The following EXOC6B variants were observed in gnomAD, a reference collection of about 807,000 sequenced individuals.
EXOC6B encodes exocyst complex component 6B.
In EXOC6B, 54 loss-of-function variants were observed where a neutral mutation model predicts 113.5. The observed-to-expected ratio is 0.48, with a 90% CI of 0.38 to 0.60. EXOC6B has a LOEUF of 0.60. EXOC6B is among the 20% of genes least tolerant of loss of function. EXOC6B has a pLI of 0.00. For synonymous variants in EXOC6B, 357 were observed against 339.0 expected (o/e 1.05, Z -0.58); for missense variants, 797 against 977.5 (o/e 0.82, Z 2.46).
At chr2:72,392,064 T>A (rs112190007) in intron 18 of EXOC6B, among the ~76,000 whole-genome samples, 100 of 152,340 alleles carry the variant, frequency 6.6e-4, no homozygotes, top group East Asian at 1.5e-3. Context: ...ATTCTTTTTT[T>A]AAAAATCTTG....
intron 18 of EXOC6B, among the ~76,000 whole-genome samples, chr2:72,442,329 C>CA (rs1165519300): frequency 6.6e-6 from 1 of 152,088 alleles, no homozygotes; most frequent in Non-Finnish European, 1.5e-5. Context: ...ACATTCCCCC[C>CA]CGCAAAAAAT....
chr2:72,354,870 C>A (rs192862342), intron 19 of EXOC6B, among the ~76,000 whole-genome samples: 1 of 152,316 alleles, frequency 6.6e-6, no homozygotes, highest in East Asian at 1.9e-4. Context: ...TTTTGTACTG[C>A]CTATTTTTGA....
intron 18 of EXOC6B, among the ~76,000 whole-genome samples, chr2:72,451,997 A>G (rs368945163): frequency 6.6e-6 from 1 of 152,272 alleles, no homozygotes; most frequent in East Asian, 1.9e-4. Context: ...TACAATATAT[A>G]TGCTAAGGTA....
intron 1 of EXOC6B, among the ~76,000 whole-genome samples, chr2:72,806,790 G>C (rs1685603989): frequency 2.0e-5 from 3 of 151,980 alleles, no homozygotes; most frequent in Admixed American, 6.6e-5. Flanking sequence ...TAGTGATGTT[G>C]AGCTTTTTTT....
At chr2:72,510,969 A>G (rs1210587880) in intron 11 of EXOC6B, among the ~76,000 whole-genome samples, 1 of 152,150 alleles carries the variant, frequency 6.6e-6, no homozygotes, top group East Asian at 1.9e-4. Flanking sequence ...CTCAGAACAC[A>G]CAAAAACATG....
At chr2:72,749,588 C>T (rs191007663) in intron 1 of EXOC6B, among the ~76,000 whole-genome samples, 14 of 151,960 alleles carry the variant, frequency 9.2e-5, no homozygotes, top group African/African-American at 3.1e-4. Flanking sequence ...ATTACTTTTG[C>T]ACCACCCTAC....
At chr2:72,221,247 A>G (rs1680848040) in intron 20 of EXOC6B, among the ~76,000 whole-genome samples, 1 of 152,246 alleles carries the variant, frequency 6.6e-6, no homozygotes, top group South Asian at 2.1e-4. Context: ...GCCAGGATTG[A>G]CATTCAGTTG....
chr2:72,712,473 G>T (rs1170561761), intron 6 of EXOC6B, among the ~76,000 whole-genome samples: 1 of 152,142 alleles, frequency 6.6e-6, no homozygotes, highest in Admixed American at 6.6e-5. Flanking sequence ...CCTCTTTTAA[G>T]CTATTAAGGT....
intron 6 of EXOC6B, among the ~76,000 whole-genome samples, chr2:72,701,296 C>T (rs1678323424): frequency 1.4e-5 from 2 of 145,332 alleles, no homozygotes; most frequent in South Asian, 2.2e-4. Context: ...GAGCCGAGAT[C>T]GTACCACTGC....
chr2:72,541,708 G>C lies in EXOC6B; in HGVS notation c.915+17745C>G, dbSNP rs145371955. ...CCTTTTTATAATATGAATATGTGGT[G>C]AGGAGGCAGGTGTAGGTGGAGTGTG... On this transcript the variant is annotated intron_variant, in intron 8 of 21. Coordinates refer to ENST00000272427, the MANE Select transcript of EXOC6B (RefSeq NM_015189.3). Among the ~76,000 whole-genome samples, 19 of 152,286 alleles carry C rather than the reference G, an allele frequency of 1.2e-4. 1 individual carries two copies. Among genetic ancestry groups the C allele is most frequent in the Admixed American group, 2.6e-4 (4 of 15,298 alleles).
At chr2:72,453,947 T>C (rs1289604993) in intron 18 of EXOC6B, among the ~76,000 whole-genome samples, 1 of 152,134 alleles carries the variant, frequency 6.6e-6, no homozygotes, top group Non-Finnish European at 1.5e-5. Flanking sequence ...AGAAAGTACC[T>C]CTTCATAGGA....
chr2:72,276,980 T>C (rs578058964), intron 20 of EXOC6B, among the ~76,000 whole-genome samples: 1 of 152,302 alleles, frequency 6.6e-6, no homozygotes, highest in South Asian at 2.1e-4. Context: ...TACTGTTCAC[T>C]CATTCCTTCT....
chr2:72,333,523 T>G (rs1210613173), intron 20 of EXOC6B, among the ~76,000 whole-genome samples: 1 of 152,086 alleles, frequency 6.6e-6, no homozygotes, highest in Non-Finnish European at 1.5e-5. Context: ...CAGATATCAC[T>G]CCACAAACCC....
At chr2:72,385,528 C>G (rs1337989109) in intron 18 of EXOC6B, among the ~76,000 whole-genome samples, 2 of 151,114 alleles carry the variant, frequency 1.3e-5, no homozygotes, top group African/African-American at 4.9e-5. Context: ...TTACATCAAA[C>G]TAAAAAGCTT....
At chr2:72,334,180 C>G (rs1225116229) in intron 20 of EXOC6B, among the ~76,000 whole-genome samples, 1 of 152,140 alleles carries the variant, frequency 6.6e-6, no homozygotes, top group East Asian at 1.9e-4. Flanking sequence ...GAAGAGATGA[C>G]AGAGCCCAGT....
intron 20 of EXOC6B, among the ~76,000 whole-genome samples, chr2:72,288,557 A>G (rs191405434): frequency 6.6e-6 from 1 of 152,264 alleles, no homozygotes; most frequent in East Asian, 1.9e-4. Flanking sequence ...AACAGTTTGG[A>G]TGACTCTCAT....
intron 16 of EXOC6B, among the ~76,000 whole-genome samples, chr2:72,482,131 T>C (rs529897680): frequency 6.4e-4 from 98 of 152,338 alleles, no homozygotes; most frequent in African/African-American, 2.3e-3. Flanking sequence ...AAGCATAATA[T>C]GGCAGCTCTG....
chr2:72,732,797 T>C (rs763117727), intron 3 of EXOC6B, among the ~76,000 whole-genome samples: 8 of 152,106 alleles, frequency 5.3e-5, no homozygotes, highest in Non-Finnish European at 1.0e-4. Flanking sequence ...AAGGTGAATA[T>C]TGAGGAAATA....
Position 72,177,977 on chromosome 2 carries a change from C to G in EXOC6B, c.*1358G>C, listed in dbSNP as rs1209630948. ...TCATAGCAAAGCCCTTGCGTTAAGT[C>G]TCAGGAGTCCATCTGGGTCAATGAG... On this transcript the variant is annotated 3_prime_UTR_variant, in exon 22 of 22. Transcript: ENST00000272427. 1 of 152,202 alleles carries G rather than the reference C, an allele frequency of 6.6e-6. No individual in the cohort carries two copies. The allele number at this position is 152,202 out of a possible 1,614,324, so 9.4% of individuals were successfully genotyped here.
Sources: gnomAD v4.1 joint callset for allele counts (sites outside exome capture counted in the v4.1 genomes callset) on GRCh38, gnomAD v4.1.1 for gene constraint, MANE v1.5 for transcripts, NCBI Gene and HGNC (gene_info 2026-07-23, HGNC 2026-07-21) for gene names.